Variants in RTN4RL1 observed in about 807,000 individuals in gnomAD.
RTN4RL1 encodes the protein reticulon-4 receptor-like 1.
RTN4RL1 carries 7 observed loss-of-function variants against 25.6 expected under a neutral mutation model. That is an observed-to-expected ratio of 0.27 (90% CI 0.16 to 0.51). The LOEUF (loss-of-function observed/expected upper bound fraction) is 0.51, where lower values mean the gene tolerates loss of function less well. Ranked by LOEUF, RTN4RL1 falls within the 20% of genes least tolerant of loss-of-function variation. The pLI is 0.97. For missense variants in RTN4RL1, 500 were observed against 615.6 expected, an observed-to-expected ratio of 0.81 and a Z score of 1.99; for synonymous variants, 297 against 288.2, an observed-to-expected ratio of 1.03 and a Z score of -0.31.
Position 1,936,381 on chromosome 17 carries a change from C to T in RTN4RL1, c.*115G>A, listed in dbSNP as rs1449157516. On this transcript the variant is annotated 3_prime_UTR_variant, in exon 2 of 2. Transcript: ENST00000331238. ...CAGACGTCCAGACAGCAGCCGAAGG[C>T]TCTACCAGCCTTTTCCTGAAACCCA... 2.8e-6 allele frequency: 4 copies of T among 1,447,630 alleles called. No individual in the cohort carries two copies. In the Admixed American group the frequency reaches 1.1e-4, roughly 38 times the overall value. The allele number at this position is 1,447,630 out of a possible 1,614,324, so 89.7% of individuals were successfully genotyped here. A position where few individuals can be genotyped will look rare whatever the true frequency, so the allele number is the denominator to read the frequency against.
At chr17:1,940,901 T>C (rs1317796310) in intron 1 of RTN4RL1, among the ~76,000 whole-genome samples, 1 of 152,176 alleles carries the variant, frequency 6.6e-6, no homozygotes, top group Non-Finnish European at 1.5e-5. Flanking sequence ...CTCAGGCTTT[T>C]GGGGACGGGG....
At chr17:2,020,628 C>G (rs985327919) in intron 1 of RTN4RL1, 1 of 152,202 alleles carries the variant, frequency 6.6e-6, no homozygotes, top group African/African-American at 2.4e-5. Flanking sequence ...CTGAATTATT[C>G]AGGGATGGCA....
intron 1 of RTN4RL1, among the ~76,000 whole-genome samples, chr17:1,997,870 C>T (rs1184891493): frequency 6.6e-6 from 1 of 152,208 alleles, no homozygotes; most frequent in Non-Finnish European, 1.5e-5. Context: ...CCCCAGCTGA[C>T]GCCCTCTGAG....
chr17:1,996,895 G>T (rs530404706), intron 1 of RTN4RL1, among the ~76,000 whole-genome samples: 11 of 152,188 alleles, frequency 7.2e-5, no homozygotes, highest in Non-Finnish European at 1.5e-4. Context: ...AAGAACCCAG[G>T]AGCAGGCTAT....
chr17:1,988,886 C>T lies in RTN4RL1; in HGVS notation c.13+35967G>A, dbSNP rs1424528360. 4.0e-5 allele frequency among the ~76,000 whole-genome samples: 6 copies of T among 150,104 alleles called. No individual in the cohort carries two copies. The East Asian group carries it at 5.8e-4, about 15-fold the overall frequency. On this transcript the variant is annotated intron_variant, in intron 1 of 1. Transcript: ENST00000331238. ...ACAGAAAGAAAATAGTCAGCATGAG[C>T]GGACACTGGTGTGAGATGAGGCTGG...
intron 1 of RTN4RL1, among the ~76,000 whole-genome samples, chr17:1,987,768 C>T (rs978264862): frequency 1.5e-5 from 2 of 136,666 alleles, no homozygotes; most frequent in Admixed American, 7.3e-5. Context: ...CACACACACA[C>T]GGACTTTCCA....
chr17:2,017,080 A>T (rs767116417), intron 1 of RTN4RL1, among the ~76,000 whole-genome samples: 18 of 152,166 alleles, frequency 1.2e-4, no homozygotes, highest in Non-Finnish European at 2.2e-4. Flanking sequence ...TCATGGTCAG[A>T]AGAATGCCAA....
Position 1,939,155 on chromosome 17 carries a change from A to T in RTN4RL1, c.14-1347T>A, listed in dbSNP as rs111759536. On this transcript the variant is annotated intron_variant, in intron 1 of 1. Transcript: ENST00000331238. ...ATCACGAGGTCAGGAGATCGAGACC[A>T]TCCTGGCTAACACGGCGAAACCCCG... Among the ~76,000 whole-genome samples the T allele has an allele frequency of 4.6e-3, 699 of 152,066 alleles. 1 individual carries two copies. Among genetic ancestry groups the T allele is most frequent in the South Asian group, 8.5e-3 (41 of 4,820 alleles).
intron 1 of RTN4RL1, among the ~76,000 whole-genome samples, chr17:2,006,381 C>T (rs367728387): frequency 4.6e-4 from 69 of 151,642 alleles, no homozygotes; most frequent in South Asian, 2.5e-3. Flanking sequence ...GGCTGGTCTC[C>T]GACTCCTGAC....
At chr17:1,951,431 A>G (rs1384356184) in intron 1 of RTN4RL1, among the ~76,000 whole-genome samples, 2 of 152,056 alleles carry the variant, frequency 1.3e-5, no homozygotes, top group Non-Finnish European at 2.9e-5. Context: ...CCGAAGCCAC[A>G]AAGTTTTTTT....
At position 1,936,508 on chromosome 17, in the gene RTN4RL1, G is replaced by T; in HGVS notation, c.1314C>A (p.Val438=). The T allele has an allele frequency of 6.5e-7, 1 of 1,545,664 alleles. No homozygotes were observed. Among genetic ancestry groups the T allele is most frequent in the Non-Finnish European group, 8.7e-7 (1 of 1,148,290 alleles). The change falls in exon 2 of 2, where the codon GTC becomes GTA. Residue 438 remains valine (V), a synonymous_variant. Coordinates refer to ENST00000331238, the MANE Select transcript of RTN4RL1 (RefSeq NM_178568.4). ...SLLAWTLGLA[V]TLR ...ACGCCCTGGGTCCTCAGCGGAGAGTGACCGCCAGCCCCAGTGTCCAGGCCA... is the reference window on the plus strand; with the variant it reads ...ACGCCCTGGGTCCTCAGCGGAGAGTTACCGCCAGCCCCAGTGTCCAGGCCA...
chr17:2,014,116 T>C (rs1347995959), intron 1 of RTN4RL1, among the ~76,000 whole-genome samples: 4 of 152,158 alleles, frequency 2.6e-5, no homozygotes, highest in African/African-American at 9.7e-5. Flanking sequence ...CAGTAACCTT[T>C]TGGGAGGGAC....
chr17:2,011,205 C>T (rs1226656603), intron 1 of RTN4RL1, among the ~76,000 whole-genome samples: 1 of 152,084 alleles, frequency 6.6e-6, no homozygotes, highest in Admixed American at 6.5e-5. Flanking sequence ...GAGCCAAGAT[C>T]GCGCCATTGC....
At chr17:1,961,410 T>C (rs1244593255) in intron 1 of RTN4RL1, among the ~76,000 whole-genome samples, 9 of 152,136 alleles carry the variant, frequency 5.9e-5, no homozygotes, top group Admixed American at 5.2e-4. Context: ...GCAGTCACGG[T>C]AGGAGTCACG....
At chr17:1,986,484 G>A (rs2066887740) in intron 1 of RTN4RL1, among the ~76,000 whole-genome samples, 1 of 152,000 alleles carries the variant, frequency 6.6e-6, no homozygotes, top group South Asian at 2.1e-4. Flanking sequence ...AGATCATCCT[G>A]GATTACCCCA....
rs869227846 is a variant in RTN4RL1, at chr17:2,021,854, CTTT to C, written c.13+2996_13+2998del. On this transcript the variant is annotated intron_variant, in intron 1 of 1. Coordinates refer to ENST00000331238, the MANE Select transcript of RTN4RL1 (RefSeq NM_178568.4). The stretch of plus-strand genomic sequence containing the variant: ...ACAGGTGTGAGCCACTGTGCCCGGT[CTTT>C]TTTTTTTTTTTTTTTTTTTTAAATA... Among the ~76,000 whole-genome samples, 54 of 88,356 alleles carry C rather than the reference CTTT, an allele frequency of 6.1e-4. 1 individual carries two copies. In the South Asian group the frequency reaches 9.8e-3, roughly 16 times the overall value. 58.0% of individuals were successfully genotyped at this position (88,356 alleles called of 152,430 possible).
chr17:1,946,602 T>G (rs1239466712), intron 1 of RTN4RL1, among the ~76,000 whole-genome samples: 1 of 149,386 alleles, frequency 6.7e-6, no homozygotes, highest in African/African-American at 2.5e-5. Context: ...TGTGCATCTA[T>G]GTTGAATGTG....
intron 1 of RTN4RL1, among the ~76,000 whole-genome samples, chr17:1,966,028 G>T (rs375176557): frequency 2.0e-4 from 30 of 152,236 alleles, no homozygotes; most frequent in African/African-American, 6.7e-4. Flanking sequence ...AGCACATCAC[G>T]AGCGGCTCTG....
chr17:1,996,567 AG>A (rs2066930266), intron 1 of RTN4RL1, among the ~76,000 whole-genome samples: 1 of 152,098 alleles, frequency 6.6e-6, no homozygotes. Context: ...GCTTTTCACA[AG>A]CTCTTAAATT....
Sources: allele counts gnomAD v4.1 joint callset (sites outside exome capture counted in the v4.1 genomes callset), GRCh38; gene constraint gnomAD v4.1.1; transcripts MANE v1.5; gene names NCBI Gene and HGNC (gene_info 2026-07-23, HGNC 2026-07-21).